PAG1: variants seen among roughly 807,000 people sequenced by gnomAD.
The protein encoded by PAG1 is phosphoprotein membrane anchor with glycosphingolipid microdomains 1, also known as phosphoprotein associated with glycosphingolipid-enriched microdomains 1.
A neutral mutation model predicts 31.7 loss-of-function variants in PAG1; 23 were observed. That is an observed-to-expected ratio of 0.73 (90% confidence interval 0.52 to 1.03). The LOEUF (loss-of-function observed/expected upper bound fraction) is 1.03, where lower values mean the gene tolerates loss of function less well. PAG1 is among the 50% of genes least tolerant of loss of function. The pLI is 0.00. For synonymous variants in PAG1, 214 were observed against 210.3 expected (o/e 1.02, Z -0.15); for missense variants, 473 against 540.7 (o/e 0.87, Z 1.24).
At chr8:81,079,424 CA>C in intron 1 of PAG1, among the ~76,000 whole-genome samples, 1 of 152,290 alleles carries the variant, frequency 6.6e-6, no homozygotes, top group South Asian at 2.1e-4. Flanking sequence ...CAGCATCAAA[CA>C]TAATCATTTC....
rs900082557 is a variant in PAG1 at position 80,973,299 on chromosome 8, T to C, written c.*3245A>G. The C allele has an allele frequency of 6.6e-6, 1 of 152,334 alleles. No individual in the cohort carries two copies. Among genetic ancestry groups the C allele is most frequent in the Non-Finnish European group, 1.5e-5 (1 of 68,016 alleles). 9.4% of individuals were successfully genotyped at this position (152,334 alleles called of 1,614,324 possible). Reference sequence around the variant, plus strand: ...ATATTTTCTTTTCTATATAGCGTTTTGTTCTTGTGTAGTTATCTGCCTAGG... The same window carrying C: ...ATATTTTCTTTTCTATATAGCGTTTCGTTCTTGTGTAGTTATCTGCCTAGG... On this transcript the variant is annotated 3_prime_UTR_variant, in exon 9 of 9. Transcript: ENST00000220597.
chr8:81,099,513 AGCATGTGTATGGTACAGGCAATAT>A (rs796305280), intron 1 of PAG1, among the ~76,000 whole-genome samples: 6 of 152,336 alleles, frequency 3.9e-5, no homozygotes, highest in African/African-American at 1.4e-4. Context: ...CCTGCACTGT[AGCATGTGTATGGTACAGGCAATAT>A]AAAAAAAATA....
chr8:81,083,531 C>T (rs891639789), intron 1 of PAG1, among the ~76,000 whole-genome samples: 5 of 152,092 alleles, frequency 3.3e-5, no homozygotes, highest in African/African-American at 9.7e-5. Context: ...TTAGGCTTCC[C>T]TATCAGCTTT....
intron 1 of PAG1, among the ~76,000 whole-genome samples, chr8:81,092,806 T>A (rs576791910): frequency 3.4e-4 from 51 of 152,204 alleles, no homozygotes; most frequent in Non-Finnish European, 5.9e-4. Context: ...CCCTAACTGA[T>A]CTCAAAACTA....
At chr8:81,065,858 CAT>C (rs571807453) in intron 2 of PAG1, among the ~76,000 whole-genome samples, 275 of 148,858 alleles carry the variant, frequency 1.8e-3, no homozygotes, top group African/African-American at 6.9e-3. Context: ...ATATATATAT[CAT>C]ATGTCATATA....
intron 1 of PAG1, among the ~76,000 whole-genome samples, chr8:81,092,189 C>CAAAAAAAAAAAAAAAAA: frequency 1.4e-5 from 1 of 71,402 alleles, no homozygotes; most frequent in East Asian, 4.2e-4. Flanking sequence ...CACATCTCTG[C>CAAAAAAAAAAAAAAAAA]AAAAAAAAAA....
In PAG1 at chr8:80,985,273, A is replaced by C. The variant is rs774781199; in HGVS notation, c.379T>G (p.Cys127Gly). 1.3e-5 allele frequency: 21 copies of C among 1,614,074 alleles called. No individual in the cohort carries two copies. In the African/African-American group the frequency reaches 2.7e-4, roughly 20 times the overall value. ...CTGGGCAGCTCCCGACTCTGATGAC[A>C]TTTTGGTTTCCCTGTGCTGTCCTGG... ...DSQDSTGKPK[C>G]HQSRELPRIP... The change falls in exon 7 of 9, where the codon TGT (cysteine) becomes GGT (glycine). Residue 127 changes from cysteine to glycine, a missense_variant. By Grantham distance (159) the Cys-to-Gly change is radical. Transcript: ENST00000220597.
chr8:80,995,900 T>C (rs1018934897), intron 3 of PAG1, among the ~76,000 whole-genome samples: 3 of 152,264 alleles, frequency 2.0e-5, no homozygotes, highest in East Asian at 1.9e-4. Context: ...AGAAAGAGGA[T>C]GAAAGGGGAT....
intron 1 of PAG1, among the ~76,000 whole-genome samples, chr8:81,072,210 T>C (rs1237918573): frequency 6.6e-6 from 1 of 152,254 alleles, no homozygotes; most frequent in African/African-American, 2.4e-5. Context: ...CAGTGAATCC[T>C]GGCACCTGAT....
chr8:80,999,076 T>C (rs560524303), intron 3 of PAG1, among the ~76,000 whole-genome samples: 21 of 152,170 alleles, frequency 1.4e-4, no homozygotes, highest in Non-Finnish European at 2.5e-4. Flanking sequence ...CAGGCTAAGA[T>C]GAAATAAACT....
intron 1 of PAG1, among the ~76,000 whole-genome samples, chr8:81,084,455 A>G (rs1809320133): frequency 1.3e-5 from 2 of 152,200 alleles, no homozygotes; most frequent in Admixed American, 6.5e-5. Flanking sequence ...AAGAAAATCA[A>G]TTTTAAAATA....
intron 4 of PAG1, among the ~76,000 whole-genome samples, chr8:80,991,958 A>G (rs1807558972): frequency 1.3e-5 from 2 of 151,700 alleles, no homozygotes; most frequent in East Asian, 3.9e-4. Context: ...TTGGCACGCC[A>G]GGAAGGGTAC....
rs1356218051 is a variant in PAG1, at chr8:80,975,291, C to T, written c.*1253G>A. ...TTTAAAAAGGTGAGTCTTTAAAAAC[C>T]ATCAGTGTTTTAAACACTTGATTAG... is the stretch of plus-strand genomic sequence containing the variant. On this transcript the variant is annotated 3_prime_UTR_variant, in exon 9 of 9. Coordinates refer to ENST00000220597, the MANE Select transcript of PAG1 (RefSeq NM_018440.4). 2.0e-5 allele frequency: 3 copies of T among 152,126 alleles called. No homozygotes were observed. Among genetic ancestry groups the T allele is most frequent in the African/African-American group, 7.2e-5 (3 of 41,410 alleles). The allele number at this position is 152,126 out of a possible 1,614,324, so 9.4% of individuals were successfully genotyped here. A position where few individuals can be genotyped will look rare whatever the true frequency, so the allele number is the denominator to read the frequency against.
At chr8:81,104,386 CTTTT>C (rs34291180) in intron 1 of PAG1, among the ~76,000 whole-genome samples, 17 of 138,238 alleles carry the variant, frequency 1.2e-4, no homozygotes, top group African/African-American at 2.9e-4. Context: ...GGCCTTCGTC[CTTTT>C]TTTTTTTTTT....
intron 1 of PAG1, among the ~76,000 whole-genome samples, chr8:81,107,509 T>C (rs1216096033): frequency 2.0e-5 from 3 of 152,130 alleles, no homozygotes; most frequent in Non-Finnish European, 4.4e-5. Flanking sequence ...ACTCTGAAGC[T>C]CACTAGTGTC....
chr8:80,993,886 T>C (rs1300983876), intron 3 of PAG1, among the ~76,000 whole-genome samples: 1 of 152,182 alleles, frequency 6.6e-6, no homozygotes, highest in Non-Finnish European at 1.5e-5. Flanking sequence ...GATTACAGTG[T>C]GCCACTGCAC....
At chr8:80,987,663 G>C in intron 5 of PAG1, 197 bp from the exon 6 acceptor site, 1 of 524,166 alleles carries the variant, frequency 1.9e-6, no homozygotes. Context: ...ACCATGAGTA[G>C]TACTGAACCC....
At chr8:80,998,593 G>GAAA (rs1377212864) in intron 3 of PAG1, among the ~76,000 whole-genome samples, 25 of 46,546 alleles carry the variant, frequency 5.4e-4, no homozygotes, top group African/African-American at 1.7e-3. Context: ...ATTCCAACAG[G>GAAA]AGAAAAAAAA....
intron 2 of PAG1, among the ~76,000 whole-genome samples, chr8:81,054,095 A>T (rs893950976): frequency 6.6e-6 from 1 of 152,156 alleles, no homozygotes; most frequent in Non-Finnish European, 1.5e-5. Flanking sequence ...GCCAACCCTA[A>T]ATTAGATGGC....
Sources: gnomAD v4.1 joint callset for allele counts (sites outside exome capture counted in the v4.1 genomes callset) on GRCh38, gnomAD v4.1.1 for gene constraint, MANE v1.5 for transcripts, NCBI Gene and HGNC (gene_info 2026-07-23, HGNC 2026-07-21) for gene names.